The following DSG4 variants were observed in gnomAD, a reference collection of about 807,000 sequenced individuals.
DSG4 encodes desmoglein 4.
DSG4 carries 87 observed loss-of-function variants against 93.1 expected under a neutral mutation model. The observed-to-expected ratio is 0.93, with a 90% CI of 0.79 to 1.12. The LOEUF is 1.12. Among genes scored for constraint, DSG4 ranks in the 50% most tolerant of loss-of-function variants. DSG4 has a pLI of 0.00. For missense variants in DSG4, 1,373 were observed against 1,285.7 expected, an observed-to-expected ratio of 1.07 and a Z score of -1.04; for synonymous variants, 432 against 452.9, an observed-to-expected ratio of 0.95 and a Z score of 0.59.
chr18:31,392,188 T>C lies in DSG4; in HGVS notation c.853T>C (p.Ser285Pro). 6.2e-7 allele frequency: 1 copy of C among 1,613,744 alleles called. No individual in the cohort carries two copies. The highest frequency in any genetic ancestry group is 8.5e-7 in the Non-Finnish European group (1 of 1,179,810). The change falls in exon 8 of 16, where the codon TCG becomes CCG. Residue 285 changes from serine (S) to proline (P), a missense_variant. Coordinates refer to ENST00000308128, the MANE Select transcript of DSG4 (RefSeq NM_177986.5). ...SASIEENCLS[S>P]ELIRLQAIDL... ...CAGTATTGAAGAGAATTGTTTAAGT[T>C]CGGAACTGATACGATTACAAGCAAT...
chr18:31,381,615 T>C (rs1161494156), intron 1 of DSG4, among the ~76,000 whole-genome samples: 1 of 152,204 alleles, frequency 6.6e-6, no homozygotes, highest in South Asian at 2.1e-4. Context: ...TGTGTCTTAC[T>C]CTTCATTTCT....
chr18:31,387,894 A>T (rs966962332), intron 3 of DSG4, among the ~76,000 whole-genome samples: 1 of 152,296 alleles, frequency 6.6e-6, no homozygotes, highest in South Asian at 2.1e-4. Flanking sequence ...GTTTACATTT[A>T]TAAAATTATT....
chr18:31,398,619 C>A (rs931878110), intron 8 of DSG4, among the ~76,000 whole-genome samples: 1 of 152,314 alleles, frequency 6.6e-6, no homozygotes, highest in African/African-American at 2.4e-5. Context: ...CCACATCAAT[C>A]ATTCTGGATC....
At position 31,410,100 on chromosome 18, in the gene DSG4, T is replaced by C. The variant is rs566421596; in HGVS notation, c.2137+292T>C. ...TTGCATATCTTTTATCCGAAATGCATAGGACCATGAGTTTGAGTTTGGCTC... is the reference window on the plus strand; with the variant it reads ...TTGCATATCTTTTATCCGAAATGCACAGGACCATGAGTTTGAGTTTGGCTC... On this transcript the variant is annotated intron_variant, in intron 14 of 15. Transcript: ENST00000308128. Among the ~76,000 whole-genome samples the C allele has an allele frequency of 8.5e-5, 13 of 152,300 alleles. No homozygotes were observed. In the East Asian group the frequency reaches 9.7e-4, roughly 11 times the overall value.
In DSG4 at chr18:31,392,321, G is replaced by C. The variant is rs755077799; in HGVS notation, c.986G>C (p.Gly329Ala). ...DIQTDPQTNE[G>A]ILKVVKMLDY... ...CAAACAGATCCACAAACCAATGAAG[G>C]CATTTTGAAAGTTGTCAAGGTACAG... The change falls in exon 8 of 16, where the codon GGC becomes GCC. Residue 329 changes from glycine to alanine, a missense_variant. Transcript: ENST00000308128. The C allele has an allele frequency of 6.2e-7, 1 of 1,613,578 alleles. No homozygotes were observed. Among genetic ancestry groups the C allele is most frequent in the Non-Finnish European group, 8.5e-7 (1 of 1,179,760 alleles).
chr18:31,402,742 GA>G (rs1214297110), intron 10 of DSG4, among the ~76,000 whole-genome samples: 1 of 152,106 alleles, frequency 6.6e-6, no homozygotes, highest in African/African-American at 2.4e-5. Flanking sequence ...ACAGAACATA[GA>G]GTAGAAAAGT....
chr18:31,414,690 T>C lies in DSG4; in HGVS notation c.*1095T>C, dbSNP rs1429657498. 1 of 152,226 alleles carries C rather than the reference T, an allele frequency of 6.6e-6. No individual in the cohort carries two copies. The highest frequency in any genetic ancestry group is 1.5e-5 in the Non-Finnish European group (1 of 68,014). 9.4% of individuals were successfully genotyped at this position (152,226 alleles called of 1,614,324 possible). On this transcript the variant is annotated 3_prime_UTR_variant, in exon 16 of 16. Transcript: ENST00000308128. ...CCAACTACTTAAGTCCATTACCAAG[T>C]TGTGTTTCTCTTTGCAACACTACTG...
At position 31,388,366 on chromosome 18, in the gene DSG4, G is replaced by T. The variant is rs1299227964; in HGVS notation, c.217-1G>T. 6.2e-7 allele frequency: 1 copy of T among 1,612,804 alleles called. No homozygotes were observed. ...CACAATCCTAGCTATTTTTCTTATA[G>T]ATTCGATCAGACTGCGAATCGAACC... On this transcript the variant is annotated splice_acceptor_variant, in intron 3 of 15. Transcript: ENST00000308128. LOFTEE classifies it high-confidence loss of function.
chr18:31,400,925 C>G lies in DSG4; in HGVS notation c.1322C>G (p.Ser441Ter). 1 of 1,612,480 alleles carries G rather than the reference C, an allele frequency of 6.2e-7. No homozygotes were observed. The highest frequency in any genetic ancestry group is 1.1e-5 in the South Asian group (1 of 90,954). The change falls in exon 10 of 16, where the codon TCA becomes TGA. Residue 441 changes from serine to a stop codon, truncating the protein, a stop_gained. Coordinates refer to ENST00000308128, the MANE Select transcript of DSG4 (RefSeq NM_177986.5). LOFTEE classifies it high-confidence loss of function. Reference protein sequence around the residue: ...HDAGSWLKIDSRTGEIQFSRE... With the variant: ...HDAGSWLKID ...GCAGGCAGCTGGTTAAAAATTGATT[C>G]AAGAACTGGTGAGATACAATTTTCT...
At chr18:31,395,073 AG>A (rs1477231197) in intron 8 of DSG4, among the ~76,000 whole-genome samples, 6 of 152,224 alleles carry the variant, frequency 3.9e-5, no homozygotes, top group Non-Finnish European at 8.8e-5. Flanking sequence ...ATTTGAGAAT[AG>A]TATTGATGAT....
intron 3 of DSG4, 56 bp downstream of exon 3, chr18:31,386,875 A>C (rs1257928771): frequency 1.2e-5 from 20 of 1,609,350 alleles, no homozygotes; most frequent in Non-Finnish European, 1.6e-5. Context: ...GAAGCTTTCA[A>C]ATATCTCCAA....
intron 2 of DSG4, 130 bp downstream of exon 2, chr18:31,385,301 G>A (rs1010831797): frequency 5.9e-6 from 4 of 674,588 alleles, no homozygotes; most frequent in Non-Finnish European, 9.6e-6. Flanking sequence ...GAAAGAACTA[G>A]TGAACTGAAA....
intron 9 of DSG4, 149 bp from the exon 10 acceptor site, chr18:31,400,732 A>T (rs1379411140): frequency 1.1e-5 from 8 of 712,478 alleles, no homozygotes; most frequent in Non-Finnish European, 1.8e-5. Flanking sequence ...ATTTTTATTG[A>T]TATATATGTA....
Position 31,403,630 on chromosome 18 carries a change from A to G in DSG4, c.1632A>G (p.Thr544=). ...GIADMWDVRS[T]NATSAILTAK... Reference sequence around the variant, plus strand: ...CTGACATGTGGGATGTCAGATCAACAAATGGTAAGTGAAACGTAAGCTTGT... The same window carrying G: ...CTGACATGTGGGATGTCAGATCAACGAATGGTAAGTGAAACGTAAGCTTGT... Residue 544 remains threonine, a synonymous_variant, in exon 11 of 16, where the codon ACA becomes ACG. Coordinates refer to ENST00000308128, the MANE Select transcript of DSG4 (RefSeq NM_177986.5). The G allele has an allele frequency of 4.3e-6, 7 of 1,614,032 alleles. No individual in the cohort carries two copies. Among genetic ancestry groups the G allele is most frequent in the Non-Finnish European group, 5.9e-6 (7 of 1,179,898 alleles).
chr18:31,411,845 A>G (rs1370785322), intron 15 of DSG4, among the ~76,000 whole-genome samples: 16 of 152,118 alleles, frequency 1.1e-4, no homozygotes, highest in Non-Finnish European at 2.9e-5. Context: ...CGGAGCCTCC[A>G]ACAGAAAAGA....
At position 31,414,677 on chromosome 18, in the gene DSG4, G is replaced by A. The variant is rs1179641060; in HGVS notation, c.*1082G>A. 1 of 152,120 alleles carries A rather than the reference G, an allele frequency of 6.6e-6. No individual in the cohort carries two copies. The highest frequency in any genetic ancestry group is 2.4e-5 in the African/African-American group (1 of 41,414). The allele number at this position is 152,120 out of a possible 1,614,324, so 9.4% of individuals were successfully genotyped here. On this transcript the variant is annotated 3_prime_UTR_variant, in exon 16 of 16. Transcript: ENST00000308128. ...CAACAATAATTAACCAACTACTTAA[G>A]TCCATTACCAAGTTGTGTTTCTCTT...
intron 3 of DSG4, among the ~76,000 whole-genome samples, chr18:31,387,572 A>C (rs1358890468): frequency 6.6e-6 from 1 of 152,084 alleles, no homozygotes; most frequent in Non-Finnish European, 1.5e-5. Flanking sequence ...ATGTTATTCC[A>C]CTTATATTGC....
At chr18:31,377,974 C>T (rs2072094939) in intron 1 of DSG4, among the ~76,000 whole-genome samples, 1 of 152,148 alleles carries the variant, frequency 6.6e-6, no homozygotes, top group African/African-American at 2.4e-5. Context: ...GTAGCTAGGG[C>T]TGGGAGAGAT....
rs190984608 is a variant in DSG4, at chr18:31,393,632, C to A, written c.1005+1292C>A. Among the ~76,000 whole-genome samples, 240 of 152,284 alleles carry A rather than the reference C, an allele frequency of 1.6e-3. 2 individuals are homozygous for A. The highest frequency in any genetic ancestry group is 0.015 in the Admixed American group (237 of 15,300). On this transcript the variant is annotated intron_variant, in intron 8 of 15. Transcript: ENST00000308128. ...ATCACCCCTCACCAGGCCCCACCTC[C>A]AACTTTGGGAATCACATTTAAAGAT...
Sources: allele counts gnomAD v4.1 joint callset (sites outside exome capture counted in the v4.1 genomes callset), GRCh38; gene constraint gnomAD v4.1.1; transcripts MANE v1.5; gene names NCBI Gene and HGNC (gene_info 2026-07-23, HGNC 2026-07-21).